The following ZNF804A variants were observed in gnomAD, a reference collection of about 807,000 sequenced individuals.
ZNF804A encodes the protein zinc finger protein 804A.
Under a neutral mutation model 16.5 loss-of-function variants are expected in ZNF804A, and 2 were observed. The ratio of observed to expected loss-of-function variants is 0.12; its 90% CI spans 0.05 to 0.38. ZNF804A has a LOEUF of 0.38. Ranked by LOEUF, ZNF804A falls within the 10% of genes least tolerant of loss-of-function variation. The pLI is 0.99. For missense variants in ZNF804A, 1,473 were observed against 1,390.7 expected (o/e 1.06, Z -0.94); for synonymous variants, 534 against 489.6 (o/e 1.09, Z -1.20).
At chr2:184,779,261 T>C (rs1694338247) in intron 1 of ZNF804A, among the ~76,000 whole-genome samples, 1 of 151,744 alleles carries the variant, frequency 6.6e-6, no homozygotes, top group Admixed American at 6.6e-5. Flanking sequence ...ATCTGTGATT[T>C]TTGAGCCATA....
At chr2:184,845,379 T>C (rs1042285052) in intron 1 of ZNF804A, among the ~76,000 whole-genome samples, 1 of 152,140 alleles carries the variant, frequency 6.6e-6, no homozygotes, top group Non-Finnish European at 1.5e-5. Context: ...CTCAGTGCTA[T>C]GACTGTAATA....
At chr2:184,873,262 C>A (rs777809476) in intron 2 of ZNF804A, among the ~76,000 whole-genome samples, 1 of 152,052 alleles carries the variant, frequency 6.6e-6, no homozygotes, top group East Asian at 1.9e-4. Flanking sequence ...CTGAGGCTGG[C>A]GGGTTGATTG....
intron 2 of ZNF804A, among the ~76,000 whole-genome samples, chr2:184,905,006 G>A (rs531619391): frequency 4.6e-5 from 7 of 151,958 alleles, no homozygotes; most frequent in African/African-American, 1.7e-4. Flanking sequence ...GAAGGACTTA[G>A]TGGAATTTAT....
At chr2:184,711,104 A>G (rs1193148905) in intron 1 of ZNF804A, among the ~76,000 whole-genome samples, 1 of 151,704 alleles carries the variant, frequency 6.6e-6, no homozygotes, top group Non-Finnish European at 1.5e-5. Context: ...CAGATACTTC[A>G]TTTTACATTC....
intron 2 of ZNF804A, among the ~76,000 whole-genome samples, chr2:184,867,818 T>G (rs187145287): frequency 1.3e-5 from 2 of 152,264 alleles, no homozygotes; most frequent in Non-Finnish European, 2.9e-5. Context: ...TTGAAAGAGT[T>G]GAAGTCTGAG....
intron 1 of ZNF804A, among the ~76,000 whole-genome samples, chr2:184,858,177 A>C (rs1328680324): frequency 1.3e-5 from 2 of 151,822 alleles, no homozygotes; most frequent in African/African-American, 2.4e-5. Context: ...AAATATATAT[A>C]TTTTTTATAG....
chr2:184,684,013 C>T (rs1692584942), intron 1 of ZNF804A, among the ~76,000 whole-genome samples: 1 of 152,148 alleles, frequency 6.6e-6, no homozygotes, highest in South Asian at 2.1e-4. Context: ...ACCTTGATCT[C>T]CTCTTCCATA....
chr2:184,796,291 A>G (rs181992475), intron 1 of ZNF804A, among the ~76,000 whole-genome samples: 24 of 152,170 alleles, frequency 1.6e-4, no homozygotes, highest in Admixed American at 1.3e-3. Flanking sequence ...CAATAGGATT[A>G]GTACCAATTC....
At chr2:184,687,107 T>C (rs995290226) in intron 1 of ZNF804A, among the ~76,000 whole-genome samples, 119 of 152,308 alleles carry the variant, frequency 7.8e-4, no homozygotes, top group African/African-American at 2.7e-3. Context: ...ACGCCAATGT[T>C]GAGAAGGATA....
intron 1 of ZNF804A, among the ~76,000 whole-genome samples, chr2:184,628,844 T>C (rs1166929208): frequency 2.0e-5 from 3 of 152,168 alleles, no homozygotes; most frequent in African/African-American, 7.2e-5. Flanking sequence ...TCAAAGAGAC[T>C]TTATTGTTCA....
chr2:184,620,340 G>A (rs1446714476), intron 1 of ZNF804A, among the ~76,000 whole-genome samples: 1 of 151,688 alleles, frequency 6.6e-6, no homozygotes, highest in African/African-American at 2.4e-5. Flanking sequence ...TAAAAAAATT[G>A]CTAGTTCTGC....
chr2:184,803,473 A>G (rs1694755215), intron 1 of ZNF804A, among the ~76,000 whole-genome samples: 1 of 151,938 alleles, frequency 6.6e-6, no homozygotes, highest in Non-Finnish European at 1.5e-5. Context: ...ACATGAGCAA[A>G]GGGTTTTGTG....
chr2:184,599,141 GGTTTTGAGATTCA>G, intron 1 of ZNF804A, 71 bp downstream of exon 1: 1 of 1,228,010 alleles, frequency 8.1e-7, no homozygotes, highest in South Asian at 1.2e-5. Flanking sequence ...AGTTTTTGGA[GGTTTTGAGATTCA>G]GTTTGGTTTA....
At chr2:184,691,581 C>T (rs1173474512) in intron 1 of ZNF804A, among the ~76,000 whole-genome samples, 1 of 151,658 alleles carries the variant, frequency 6.6e-6, no homozygotes. Flanking sequence ...ATATTTCTAT[C>T]TACAATATCC....
chr2:184,754,787 CTT>C (rs1693934587), intron 1 of ZNF804A, among the ~76,000 whole-genome samples: 1 of 151,522 alleles, frequency 6.6e-6, no homozygotes, highest in African/African-American at 2.4e-5. Context: ...AAAATTGTGT[CTT>C]ATTTCCTTTA....
chr2:184,701,006 A>G (rs1692910687), intron 1 of ZNF804A, among the ~76,000 whole-genome samples: 1 of 151,942 alleles, frequency 6.6e-6, no homozygotes, highest in Non-Finnish European at 1.5e-5. Flanking sequence ...TGGAAAAATA[A>G]AATACATTGT....
chr2:184,873,806 A>C (rs1696011566), intron 2 of ZNF804A, among the ~76,000 whole-genome samples: 1 of 152,230 alleles, frequency 6.6e-6, no homozygotes, highest in Admixed American at 6.5e-5. Flanking sequence ...TTTACAACAT[A>C]GATTTAAAAA....
chr2:184,768,899 T>C (rs1358779279), intron 1 of ZNF804A, among the ~76,000 whole-genome samples: 1 of 152,218 alleles, frequency 6.6e-6, no homozygotes, highest in Non-Finnish European at 1.5e-5. Flanking sequence ...ATGTACCCTT[T>C]AGTCGATTTT....
intron 1 of ZNF804A, among the ~76,000 whole-genome samples, chr2:184,662,529 T>C (rs1300480327): frequency 6.6e-6 from 1 of 152,220 alleles, no homozygotes; most frequent in Non-Finnish European, 1.5e-5. Context: ...ATTTGAATGG[T>C]GTCTCAGTGA....
Sources: gnomAD v4.1 joint callset for allele counts (sites outside exome capture counted in the v4.1 genomes callset) on GRCh38, gnomAD v4.1.1 for gene constraint, MANE v1.5 for transcripts, NCBI Gene and HGNC (gene_info 2026-07-23, HGNC 2026-07-21) for gene names.